CAMTA1: variants seen among roughly 807,000 people sequenced by gnomAD.
CAMTA1 encodes the protein calmodulin binding transcription activator 1.
In CAMTA1, 27 loss-of-function variants were observed where a neutral mutation model predicts 170.9. That is an observed-to-expected ratio of 0.16 (90% CI 0.12 to 0.22). The LOEUF is 0.22. Ranked by LOEUF, CAMTA1 falls within the 10% of genes least tolerant of loss-of-function variation. The probability of loss-of-function intolerance (pLI) is 1.00; values close to 1 mark genes in which losing one functional copy is unlikely to be tolerated. For synonymous variants in CAMTA1, 833 were observed against 891.5 expected (o/e 0.93, Z 1.17); for missense variants, 1,619 against 2,217.2 (o/e 0.73, Z 5.42).
intron 6 of CAMTA1, among the ~76,000 whole-genome samples, chr1:7,628,790 T>C (rs1205494973): frequency 6.6e-6 from 1 of 152,256 alleles, no homozygotes; most frequent in African/African-American, 2.4e-5. Context: ...CAGGCCTGGC[T>C]TCCAGCCATC....
At chr1:7,623,131 C>T (rs974858060) in intron 6 of CAMTA1, among the ~76,000 whole-genome samples, 1 of 152,226 alleles carries the variant, frequency 6.6e-6, no homozygotes, top group Non-Finnish European at 1.5e-5. Flanking sequence ...CCATCCAGAA[C>T]CACCTTATTC....
intron 6 of CAMTA1, among the ~76,000 whole-genome samples, chr1:7,502,143 G>A (rs2094015966): frequency 6.6e-6 from 1 of 152,246 alleles, no homozygotes; most frequent in Non-Finnish European, 1.5e-5. Flanking sequence ...CAAGGTCAAC[G>A]ACAGCCCCGG....
intron 6 of CAMTA1, among the ~76,000 whole-genome samples, chr1:7,481,820 GAAGTA>G (rs977058436): frequency 2.5e-5 from 3 of 119,552 alleles, no homozygotes; most frequent in South Asian, 2.6e-4. Flanking sequence ...TTTTGCTTTT[GAAGTA>G]AAGTTTATAC....
chr1:7,438,281 G>T (rs2092411127), intron 5 of CAMTA1, among the ~76,000 whole-genome samples: 1 of 152,192 alleles, frequency 6.6e-6, no homozygotes, highest in Admixed American at 6.5e-5. Context: ...CGGCAGGTTT[G>T]CGGGGGTGGA....
At chr1:7,070,547 A>G (rs969471446) in intron 3 of CAMTA1, among the ~76,000 whole-genome samples, 1 of 152,176 alleles carries the variant, frequency 6.6e-6, no homozygotes, top group African/African-American at 2.4e-5. Context: ...CCTTTTGAGC[A>G]CGACCTTCTC....
intron 3 of CAMTA1, among the ~76,000 whole-genome samples, chr1:6,983,239 A>G (rs1461019355): frequency 3.9e-5 from 6 of 152,172 alleles, no homozygotes. Context: ...TCTTGGTGCC[A>G]TGGTCTTAGA....
At position 7,202,403 on chromosome 1, in the gene CAMTA1, C is replaced by T. The variant is rs561767663; in HGVS notation, c.303-47088C>T. On this transcript the variant is annotated intron_variant, in intron 4 of 22. Transcript: ENST00000303635. ...AGTTTCATATGAATTTTAGAATCAG[C>T]TTGACAATATCTACAAAGAAGTCAG... is the stretch of plus-strand genomic sequence containing the variant. Among the ~76,000 whole-genome samples the T allele has an allele frequency of 1.3e-4, 20 of 152,256 alleles. No homozygotes were observed. The East Asian group carries it at 3.7e-3, about 28-fold the overall frequency.
At chr1:6,870,458 C>T (rs917896399) in intron 3 of CAMTA1, among the ~76,000 whole-genome samples, 3 of 152,166 alleles carry the variant, frequency 2.0e-5, no homozygotes, top group Admixed American at 1.3e-4. Context: ...CAGGAACAAA[C>T]ATCTGGCATT....
intron 6 of CAMTA1, among the ~76,000 whole-genome samples, chr1:7,509,657 A>G (rs1160955068): frequency 6.6e-6 from 1 of 152,174 alleles, no homozygotes; most frequent in Non-Finnish European, 1.5e-5. Context: ...TCAGAGGTTT[A>G]TAACTTGGCC....
At chr1:7,419,499 C>A (rs1481342087) in intron 5 of CAMTA1, among the ~76,000 whole-genome samples, 3 of 152,160 alleles carry the variant, frequency 2.0e-5, no homozygotes, top group African/African-American at 7.2e-5. Flanking sequence ...CCAGGGCTCC[C>A]TTCCTGGGCC....
At chr1:7,005,439 C>T (rs1698840781) in intron 3 of CAMTA1, among the ~76,000 whole-genome samples, 1 of 152,150 alleles carries the variant, frequency 6.6e-6, no homozygotes, top group Admixed American at 6.5e-5. Flanking sequence ...TTAATTTCTC[C>T]CCCTGCCTTT....
At chr1:7,087,368 G>T (rs535623961) in intron 3 of CAMTA1, among the ~76,000 whole-genome samples, 2 of 152,276 alleles carry the variant, frequency 1.3e-5, no homozygotes, top group African/African-American at 4.8e-5. Flanking sequence ...TAGGCTTTTG[G>T]GGTGGCAATA....
In CAMTA1 at chr1:7,437,168, C is replaced by T. The variant is rs114083709; in HGVS notation, c.439-30662C>T. On this transcript the variant is annotated intron_variant, in intron 5 of 22. Transcript: ENST00000303635. ...CCTATCCTCCCCGGATGCCTGGATG[C>T]CGGAGGCAGGTCTCCGGTGTCCAAC... Among the ~76,000 whole-genome samples the T allele has an allele frequency of 4.3e-3, 651 of 152,262 alleles. 7 individuals are homozygous for T. The highest frequency in any genetic ancestry group is 0.015 in the African/African-American group (636 of 41,546).
chr1:6,807,156 T>G, intron 1 of CAMTA1: 1 of 453,544 alleles, frequency 2.2e-6, no homozygotes, highest in Admixed American at 3.7e-5. Flanking sequence ...TTGAGAGCTC[T>G]GGAGGAAAAT....
At chr1:6,931,072 G>C (rs1278901897) in intron 3 of CAMTA1, among the ~76,000 whole-genome samples, 1 of 152,200 alleles carries the variant, frequency 6.6e-6, no homozygotes, top group Non-Finnish European at 1.5e-5. Context: ...AGAATAAAAG[G>C]CTACAAGGCA....
chr1:7,632,396 G>A (rs1026568171), intron 6 of CAMTA1, among the ~76,000 whole-genome samples: 2 of 152,016 alleles, frequency 1.3e-5, no homozygotes, highest in Non-Finnish European at 2.9e-5. Context: ...ACTATCACAC[G>A]GCCTCTCTCC....
chr1:7,126,719 C>A (rs1019376330), intron 4 of CAMTA1, among the ~76,000 whole-genome samples: 1 of 152,180 alleles, frequency 6.6e-6, no homozygotes, highest in Non-Finnish European at 1.5e-5. Flanking sequence ...CTATTTGGAA[C>A]CTCATGCATC....
chr1:7,538,489 A>C (rs1201995064), intron 6 of CAMTA1, among the ~76,000 whole-genome samples: 1 of 152,214 alleles, frequency 6.6e-6, no homozygotes, highest in Non-Finnish European at 1.5e-5. Context: ...GTCTCTACTA[A>C]AAAGAAATAA....
At chr1:6,952,952 C>T (rs1436964594) in intron 3 of CAMTA1, among the ~76,000 whole-genome samples, 2 of 152,138 alleles carry the variant, frequency 1.3e-5, no homozygotes, top group Admixed American at 1.3e-4. Flanking sequence ...CAGAGGCCAC[C>T]GTGGTGGACA....
Sources: gnomAD v4.1 joint callset for allele counts (sites outside exome capture counted in the v4.1 genomes callset) on GRCh38, gnomAD v4.1.1 for gene constraint, MANE v1.5 for transcripts, NCBI Gene and HGNC (gene_info 2026-07-23, HGNC 2026-07-21) for gene names.